NCAM2: variants seen among roughly 807,000 people sequenced by gnomAD.
NCAM2 encodes N-CAM-2.
NCAM2 carries 30 observed loss-of-function variants against 98.1 expected under a neutral mutation model. The observed-to-expected ratio is 0.31, with a 90% CI of 0.23 to 0.41. The LOEUF (loss-of-function observed/expected upper bound fraction) is 0.41. Among genes scored for constraint, NCAM2 ranks in the 10% least tolerant of loss-of-function variants. The probability of loss-of-function intolerance (pLI) is 1.00; values close to 1 mark genes in which losing one functional copy is unlikely to be tolerated. For missense variants in NCAM2, 867 were observed against 1,005.8 expected, an observed-to-expected ratio of 0.86 and a Z score of 1.87; for synonymous variants, 368 against 342.4, an observed-to-expected ratio of 1.07 and a Z score of -0.83.
chr21:21,115,955 TTTTGTGTGTG>T (rs1322013210), intron 1 of NCAM2, among the ~76,000 whole-genome samples: 5 of 67,876 alleles, frequency 7.4e-5, no homozygotes, highest in Non-Finnish European at 1.5e-4. Flanking sequence ...TTCTCTGAGA[TTTTGTGTGTG>T]TGTGTGTGTG....
chr21:21,243,652 C>T (rs1193702806), intron 1 of NCAM2, among the ~76,000 whole-genome samples: 1 of 152,078 alleles, frequency 6.6e-6, no homozygotes, highest in Non-Finnish European at 1.5e-5. Context: ...GCTTAAGAAA[C>T]CTGAGACTAT....
At chr21:21,141,252 C>A (rs530677909) in intron 1 of NCAM2, among the ~76,000 whole-genome samples, 1 of 152,248 alleles carries the variant, frequency 6.6e-6, no homozygotes, top group South Asian at 2.1e-4. Context: ...AAACAACAAA[C>A]TTCTCCTTAT....
chr21:21,398,636 G>T (rs888814020), intron 9 of NCAM2, among the ~76,000 whole-genome samples: 1 of 152,158 alleles, frequency 6.6e-6, no homozygotes, highest in African/African-American at 2.4e-5. Flanking sequence ...ATCTTTAAAA[G>T]GTTTTAAGCA....
intron 5 of NCAM2, 45 bp downstream of exon 5, chr21:21,292,286 CA>C (rs1482840261): frequency 1.9e-6 from 3 of 1,568,204 alleles, no homozygotes; most frequent in Non-Finnish European, 2.6e-6. Flanking sequence ...TTCATTTTAG[CA>C]ATGTTTTTTA....
chr21:21,063,657 G>T (rs546277247), intron 1 of NCAM2, among the ~76,000 whole-genome samples: 1 of 151,928 alleles, frequency 6.6e-6, no homozygotes, highest in South Asian at 2.1e-4. Flanking sequence ...CGAAAGAAAA[G>T]AAGGAAAAAT....
chr21:21,315,853 T>C (rs1335993783), intron 5 of NCAM2, among the ~76,000 whole-genome samples: 4 of 152,180 alleles, frequency 2.6e-5, no homozygotes, highest in Non-Finnish European at 4.4e-5. Context: ...ACATACATAT[T>C]CTATCCAAAT....
At chr21:21,096,239 AT>A (rs979152694) in intron 1 of NCAM2, among the ~76,000 whole-genome samples, 3 of 151,480 alleles carry the variant, frequency 2.0e-5, no homozygotes, top group Non-Finnish European at 3.0e-5. Flanking sequence ...CTATATATAT[AT>A]TTTTTTAATT....
rs1376599941 is a variant in NCAM2, at chr21:21,292,226, A to G, written c.604A>G (p.Ile202Val). Residue 202 changes from isoleucine to valine, a missense_variant, in exon 5 of 18, where the codon ATT (isoleucine) becomes GTT (valine). Transcript: ENST00000400546. ...GGGAGAAATTGACTTCCGTGATATC[A>G]TTGTTATTGTTAATGGTAAGCAGTA... ...ARGEIDFRDI[I>V]VIVNVPPAIS... 4 of 1,609,174 alleles carry G rather than the reference A, an allele frequency of 2.5e-6. No individual in the cohort carries two copies. Among genetic ancestry groups the G allele is most frequent in the South Asian group, 1.1e-5 (1 of 90,514 alleles).
chr21:21,287,312 T>C (rs573001270), intron 4 of NCAM2, among the ~76,000 whole-genome samples: 86 of 152,136 alleles, frequency 5.7e-4, no homozygotes, highest in Non-Finnish European at 1.1e-3. Flanking sequence ...TTTTTGAATA[T>C]GTGGGGAGAA....
chr21:21,235,301 A>C (rs1274205172), intron 1 of NCAM2, among the ~76,000 whole-genome samples: 1 of 152,026 alleles, frequency 6.6e-6, no homozygotes, highest in African/African-American at 2.4e-5. Flanking sequence ...GGCAAGGAAG[A>C]AGTACTTGAG....
chr21:21,198,184 A>ATGTGTG (rs10600265), intron 1 of NCAM2, among the ~76,000 whole-genome samples: 91 of 146,342 alleles, frequency 6.2e-4, no homozygotes, highest in East Asian at 4.5e-3. Context: ...TGTAAAGTAT[A>ATGTGTG]TGTGTGTGTG....
chr21:21,377,002 A>G (rs899048788), intron 9 of NCAM2, among the ~76,000 whole-genome samples: 1 of 151,760 alleles, frequency 6.6e-6, no homozygotes, highest in African/African-American at 2.4e-5. Context: ...TGTAAATATA[A>G]CTACTTTTTG....
intron 1 of NCAM2, among the ~76,000 whole-genome samples, chr21:20,999,656 A>G (rs559306841): frequency 2.0e-5 from 3 of 152,328 alleles, no homozygotes; most frequent in South Asian, 4.1e-4. Flanking sequence ...GTAGTGTGAA[A>G]TTGGTTTTTT....
intron 5 of NCAM2, among the ~76,000 whole-genome samples, chr21:21,310,494 AAGAGTC>A (rs1247265951): frequency 6.6e-6 from 1 of 152,206 alleles, no homozygotes; most frequent in African/African-American, 2.4e-5. Context: ...TTCCTTGAAG[AAGAGTC>A]ATGATTCCCT....
chr21:21,304,662 A>G (rs1462550458), intron 5 of NCAM2, among the ~76,000 whole-genome samples: 1 of 152,160 alleles, frequency 6.6e-6, no homozygotes, highest in Admixed American at 6.5e-5. Flanking sequence ...ACACACACAT[A>G]CACATCCACT....
chr21:21,411,793 A>G (rs2076892836), intron 10 of NCAM2, among the ~76,000 whole-genome samples: 2 of 152,196 alleles, frequency 1.3e-5, no homozygotes, highest in Admixed American at 6.5e-5. Context: ...AGACTTTAAA[A>G]AAATTCGTTT....
rs534862326 is a variant in NCAM2 at position 21,260,859 on chromosome 21, T to C, written c.56-19719T>C. 2.2e-4 allele frequency among the ~76,000 whole-genome samples: 34 copies of C among 152,154 alleles called. 1 individual carries two copies. The South Asian group carries it at 6.4e-3, about 29-fold the overall frequency. On this transcript the variant is annotated intron_variant, in intron 1 of 17. Transcript: ENST00000400546. Reference sequence around the variant, plus strand: ...AGGAACAAAACCTCACATACCAATATTAACCTTGAGCTGAAATAGTCTGAT... The same window carrying C: ...AGGAACAAAACCTCACATACCAATACTAACCTTGAGCTGAAATAGTCTGAT...
intron 1 of NCAM2, among the ~76,000 whole-genome samples, chr21:21,075,367 A>G (rs2065659353): frequency 6.6e-6 from 1 of 152,178 alleles, no homozygotes; most frequent in Non-Finnish European, 1.5e-5. Context: ...AAAGAAATAC[A>G]GTTCATTTTC....
intron 1 of NCAM2, chr21:21,210,692 G>A (rs2147078730): frequency 2.4e-6 from 3 of 1,232,156 alleles, no homozygotes; most frequent in Non-Finnish European, 3.1e-6. Flanking sequence ...TACAGGACAG[G>A]TCAGCTGGAC....
Sources: gnomAD v4.1 joint callset for allele counts (sites outside exome capture counted in the v4.1 genomes callset) on GRCh38, gnomAD v4.1.1 for gene constraint, MANE v1.5 for transcripts, NCBI Gene and HGNC (gene_info 2026-07-23, HGNC 2026-07-21) for gene names.